TMPRSS9: variants seen among roughly 807,000 people sequenced by gnomAD.
TMPRSS9 encodes the protein transmembrane serine protease 9.
TMPRSS9 carries 113 observed loss-of-function variants against 111.4 expected under a neutral mutation model. The observed-to-expected ratio is 1.01, with a 90% confidence interval of 0.87 to 1.19. The LOEUF (loss-of-function observed/expected upper bound fraction) is 1.19, where lower values mean the gene tolerates loss of function less well. Ranked by LOEUF, TMPRSS9 falls within the 50% of genes most tolerant of loss-of-function variation. TMPRSS9 has a pLI of 0.00. For missense variants in TMPRSS9, 1,803 were observed against 1,513.1 expected (o/e 1.19, Z -3.18); for synonymous variants, 805 against 659.1 (o/e 1.22, Z -3.39).
intron 12 of TMPRSS9, 126 bp from the exon 14 acceptor site, chr19:2,417,874 ACT>A (rs1971287126): frequency 7.6e-7 from 1 of 1,310,750 alleles, no homozygotes; most frequent in Non-Finnish European, 1.1e-6. Flanking sequence ...GATTCCTGCA[ACT>A]CTGTGAGCCC....
At chr19:2,383,485 CTAAA>C (rs1970411226) in intron 1 of TMPRSS9, among the ~76,000 whole-genome samples, 1 of 149,698 alleles carries the variant, frequency 6.7e-6, no homozygotes, top group Non-Finnish European at 1.5e-5. Context: ...GACCCCGTCT[CTAAA>C]AAAAAAAATT....
rs879741232 is a variant in TMPRSS9, at chr19:2,424,534, G to GCCCCCCCCCCCC, written c.2717+286_2717+287insCCCCCCCCCCCC. ...GTCCCCACCTAACCCGGAAGCTGCG[G>GCCCCCCCCCCCC]CCCCCCCCCTCCAGCTCCAGGCTAA... On this transcript the variant is annotated intron_variant, in intron 15 of 17. Coordinates refer to ENST00000648592, the Ensembl canonical transcript of TMPRSS9. 5.1e-4 allele frequency among the ~76,000 whole-genome samples: 68 copies of GCCCCCCCCCCCC among 134,206 alleles called. 2 individuals are homozygous for GCCCCCCCCCCCC. The highest frequency in any genetic ancestry group is 1.9e-3 in the African/African-American group (64 of 33,088). The allele number at this position is 134,206 out of a possible 152,430, so 88.0% of individuals were successfully genotyped here. A position where few individuals can be genotyped will look rare whatever the true frequency, so the allele number is the denominator to read the frequency against.
At chr19:2,418,302 TC>T (rs1211032784) in intron 13 of TMPRSS9, among the ~76,000 whole-genome samples, 164 bp downstream of exon 14, 11 of 43,664 alleles carry the variant, frequency 2.5e-4, no homozygotes, top group African/African-American at 1.7e-3. Flanking sequence ...TTTCCTTCCC[TC>T]CCTTTCCCTC....
At chr19:2,362,499 C>T (rs900591850) in intron 1 of TMPRSS9, among the ~76,000 whole-genome samples, 15 of 150,826 alleles carry the variant, frequency 9.9e-5, no homozygotes, top group Admixed American at 3.3e-4. Context: ...TTATAGTGTA[C>T]GGTTGTGTGT....
chr19:2,410,403 C>A lies in TMPRSS9; in HGVS notation c.1254+9C>A, dbSNP rs369027280. 60 of 1,613,514 alleles carry A rather than the reference C, an allele frequency of 3.7e-5. No individual in the cohort carries two copies. Among genetic ancestry groups the A allele is most frequent in the Non-Finnish European group, 5.0e-5 (59 of 1,179,936 alleles). ...AGGTGGACTCCTGCCAGGTGAGCCC[C>A]CGATGCCCCAGACCCCAGAAAAACA... On this transcript the variant is annotated intron_variant, in intron 9 of 17. Coordinates refer to ENST00000648592, the Ensembl canonical transcript of TMPRSS9.
chr19:2,382,389 C>A (rs1970395312), intron 1 of TMPRSS9, among the ~76,000 whole-genome samples: 1 of 152,168 alleles, frequency 6.6e-6, no homozygotes, highest in African/African-American at 2.4e-5. Context: ...ACCTTGGCCT[C>A]CCAAAGTGCT....
intron 11 of TMPRSS9, 152 bp downstream of exon 12, chr19:2,415,993 G>A (rs1301310191): frequency 4.1e-6 from 4 of 969,920 alleles, no homozygotes; most frequent in Non-Finnish European, 5.7e-6. Context: ...GAGGGAGCCG[G>A]TGCCAAGGCT....
intron 1 of TMPRSS9, among the ~76,000 whole-genome samples, chr19:2,363,662 G>A (rs56170406): frequency 6.6e-6 from 1 of 151,448 alleles, no homozygotes; most frequent in Non-Finnish European, 1.5e-5. Context: ...TAGAGCTCCC[G>A]GCCCTGCGCC....
intron 14 of TMPRSS9, among the ~76,000 whole-genome samples, chr19:2,423,454 G>C (rs1038666738): frequency 1.5e-5 from 2 of 137,490 alleles, no homozygotes; most frequent in South Asian, 2.7e-4. Flanking sequence ...GTTGGATGGC[G>C]GTTGGTGGGG....
chr19:2,403,941 C>T (rs1027695473), intron 6 of TMPRSS9, among the ~76,000 whole-genome samples: 10 of 138,628 alleles, frequency 7.2e-5, no homozygotes, highest in African/African-American at 2.7e-4. Flanking sequence ...TGCAGTGAGC[C>T]AAGATCACGC....
At chr19:2,361,288 G>A (rs1427938535) in intron 1 of TMPRSS9, among the ~76,000 whole-genome samples, 33 of 102,362 alleles carry the variant, frequency 3.2e-4, no homozygotes, top group Admixed American at 2.8e-3. Context: ...GTGCTGGGAT[G>A]GGTTGGTGGG....
chr19:2,400,133 G>A (rs1443450230), intron 4 of TMPRSS9, among the ~76,000 whole-genome samples: 1 of 152,224 alleles, frequency 6.6e-6, no homozygotes, highest in Non-Finnish European at 1.5e-5. Flanking sequence ...AATAGGTGTG[G>A]CTGTTTACCA....
chr19:2,416,335 C>A, intron 11 of TMPRSS9: 1 of 660,588 alleles, frequency 1.5e-6, no homozygotes, highest in South Asian at 2.3e-5. Context: ...TGTCCGAGGT[C>A]CCCCAGCTTG....
chr19:2,364,192 GTGAATGAA>G (rs146229451), intron 1 of TMPRSS9, among the ~76,000 whole-genome samples: 7 of 151,284 alleles, frequency 4.6e-5, no homozygotes, highest in Non-Finnish European at 7.4e-5. Flanking sequence ...AAATAAATAA[GTGAATGAA>G]TGAATGAATG....
chr19:2,413,659 C>T (rs776593724), intron 9 of TMPRSS9, 41 bp from the exon 11 acceptor site: 1 of 1,565,246 alleles, frequency 6.4e-7, no homozygotes, highest in South Asian at 1.2e-5. Flanking sequence ...TCTGGACTGG[C>T]TGCTGCCGAC....
chr19:2,399,036 C>T, exon 4 of TMPRSS9: 1 of 1,612,268 alleles, frequency 6.2e-7, no homozygotes, highest in Non-Finnish European at 8.5e-7. Context: ...ACTCCAGTGT[C>T]CTCGTACATT....
At chr19:2,400,925 A>C (rs527473219) in intron 4 of TMPRSS9, among the ~76,000 whole-genome samples, 1 of 145,872 alleles carries the variant, frequency 6.9e-6, no homozygotes, top group Non-Finnish European at 1.5e-5. Context: ...GCAGTGAGCC[A>C]AGATAGCACC....
chr19:2,395,105 A>G (rs1232921455), intron 1 of TMPRSS9, among the ~76,000 whole-genome samples: 1 of 152,046 alleles, frequency 6.6e-6, no homozygotes, highest in East Asian at 1.9e-4. Flanking sequence ...ATGTGGCGAA[A>G]CCCCATCTCT....
intron 1 of TMPRSS9, among the ~76,000 whole-genome samples, chr19:2,371,571 CCTAT>C (rs2145247046): frequency 6.6e-6 from 1 of 152,178 alleles, no homozygotes; most frequent in East Asian, 1.9e-4. Flanking sequence ...GTGACGGGCA[CCTAT>C]AATCTCCGCT....
Sources: gnomAD v4.1 joint callset for allele counts (sites outside exome capture counted in the v4.1 genomes callset) on GRCh38, gnomAD v4.1.1 for gene constraint, MANE v1.5 for transcripts, NCBI Gene and HGNC (gene_info 2026-07-23, HGNC 2026-07-21) for gene names.